The following ACCSL variants were observed in gnomAD, a reference collection of about 807,000 sequenced individuals.
The protein encoded by ACCSL is 1-aminocyclopropane-1-carboxylate synthase homolog (inactive) like, also known as probable inactive 1-aminocyclopropane-1-carboxylate synthase-like protein 2.
Under a neutral mutation model 61.7 loss-of-function variants are expected in ACCSL, and 55 were observed. The observed-to-expected ratio is 0.89, with a 90% CI of 0.72 to 1.12. ACCSL has a LOEUF of 1.12. Ranked by LOEUF, ACCSL falls within the 50% of genes most tolerant of loss-of-function variation. The pLI, the probability that ACCSL is intolerant of heterozygous loss-of-function variation, is 0.00. For synonymous variants in ACCSL, 258 were observed against 264.3 expected (o/e 0.98, Z 0.23); for missense variants, 632 against 698.0 (o/e 0.91, Z 1.07).
chr11:43,973,794 C>T, the ACCSL span: 2 of 152,136 alleles, frequency 1.3e-5, no homozygotes, highest in Admixed American at 6.5e-5. Context: ...CATGTTTATC[C>T]TGAAATAGGC....
At chr11:44,023,271 T>C in the ACCSL span, among the ~76,000 whole-genome samples, 4 of 152,116 alleles carry the variant, frequency 2.6e-5, no homozygotes, top group Admixed American at 2.0e-4. Context: ...TAGGCTTGTC[T>C]TGAACTCCCG....
At chr11:43,929,937 G>A in the ACCSL span, among the ~76,000 whole-genome samples, 17 of 152,200 alleles carry the variant, frequency 1.1e-4, no homozygotes, top group Non-Finnish European at 2.1e-4. Context: ...GGAGGACCCA[G>A]CCTGACCAAG....
the ACCSL span, chr11:43,974,219 G>A: frequency 6.6e-6 from 1 of 152,218 alleles, no homozygotes; most frequent in African/African-American, 2.4e-5. Flanking sequence ...CTATATTCAT[G>A]GACTATGACT....
chr11:44,050,815 AG>A (rs1348121413), intron 3 of ACCSL, among the ~76,000 whole-genome samples, 193 bp downstream of exon 3: 1 of 150,962 alleles, frequency 6.6e-6, no homozygotes, highest in Non-Finnish European at 1.5e-5. Context: ...CTGGTATAGT[AG>A]GAATAATTCA....
At chr11:43,943,021 C>T in the ACCSL span, 4,723 of 1,510,450 alleles carry the variant, frequency 3.1e-3, 7 homozygotes, top group Non-Finnish European at 3.9e-3. The surrounding 1 kb of genome is among the most constrained non-coding windows in gnomAD (Gnocchi z 4.8). Flanking sequence ...CCAAGCTGCC[C>T]AAGGGCCGGG....
chr11:43,954,943 C>T, the ACCSL span, among the ~76,000 whole-genome samples: 5 of 152,254 alleles, frequency 3.3e-5, no homozygotes, highest in South Asian at 4.1e-4. Flanking sequence ...CTCCAGCTGC[C>T]GGCATTCACC....
the ACCSL span, chr11:43,942,235 C>G: frequency 6.4e-6 from 1 of 155,046 alleles, no homozygotes; most frequent in Non-Finnish European, 1.5e-5. Flanking sequence ...GTGGAATAAC[C>G]AGCGCCTCAA....
At chr11:43,925,696 C>T in the ACCSL span, among the ~76,000 whole-genome samples, 2 of 152,176 alleles carry the variant, frequency 1.3e-5, no homozygotes, top group African/African-American at 4.8e-5. Flanking sequence ...TGTCTGAGCC[C>T]TGTGGGGAGA....
rs147903650 is a variant in ACCSL, at chr11:44,055,386, C to T, written c.1139+95C>T. The stretch of plus-strand genomic sequence containing the variant: ...GACATGAACTTAACTCAGTTCCTAG[C>T]ACATAGCCAGTTAACTGCCCACAGG... On this transcript the variant is annotated intron_variant, in intron 9 of 13. Transcript: ENST00000378832. 7.8e-6 allele frequency: 7 copies of T among 893,752 alleles called. No individual in the cohort carries two copies. The East Asian group carries it at 1.5e-4, about 20-fold the overall frequency. 55.4% of individuals were successfully genotyped at this position (893,752 alleles called of 1,614,324 possible).
the ACCSL span, chr11:43,943,546 T>G: frequency 7.6e-7 from 1 of 1,320,382 alleles, no homozygotes; most frequent in Non-Finnish European, 1.0e-6. This position sits in a 1 kb window ranked among gnomAD's most constrained non-coding sequence, Gnocchi z 4.8. Context: ...CTGCTGTGAG[T>G]GTGTGCGGGG....
chr11:44,054,910 T>C (rs895113407), intron 8 of ACCSL, among the ~76,000 whole-genome samples: 4 of 152,106 alleles, frequency 2.6e-5, no homozygotes, highest in Non-Finnish European at 5.9e-5. Flanking sequence ...GATGGTTGAA[T>C]GGTTAGCTAA....
the ACCSL span, among the ~76,000 whole-genome samples, chr11:44,002,907 G>A: frequency 1.3e-5 from 2 of 152,224 alleles, no homozygotes; most frequent in South Asian, 2.1e-4. Flanking sequence ...CAGGGCTGGA[G>A]GGGTCTGGAT....
At chr11:44,000,754 T>C in the ACCSL span, among the ~76,000 whole-genome samples, 1 of 83,770 alleles carries the variant, frequency 1.2e-5, no homozygotes, top group Non-Finnish European at 2.9e-5. Context: ...AGAAAGAAAA[T>C]TGTAAAATAA....
At chr11:44,054,582 G>C (rs574471268) in intron 8 of ACCSL, among the ~76,000 whole-genome samples, 68 of 151,936 alleles carry the variant, frequency 4.5e-4, no homozygotes, top group African/African-American at 1.6e-3. Flanking sequence ...TCAGCCTCCT[G>C]AGTAGCTACA....
At chr11:43,943,784 T>C in the ACCSL span, 7 of 1,304,032 alleles carry the variant, frequency 5.4e-6, no homozygotes, top group South Asian at 7.4e-5. This position sits in a 1 kb window ranked among gnomAD's most constrained non-coding sequence, Gnocchi z 4.8. Context: ...ATTTTTGCAT[T>C]GCGATGGCTG....
In ACCSL at chr11:44,050,137, G is replaced by T. The variant is rs769647210; in HGVS notation, c.564+16G>T. 14 of 1,609,396 alleles carry T rather than the reference G, an allele frequency of 8.7e-6. No homozygotes were observed. The highest frequency in any genetic ancestry group is 9.4e-6 in the Non-Finnish European group (11 of 1,175,854). The stretch of plus-strand genomic sequence containing the variant: ...GACTGAAAGAGTAAGGATGTTCTGG[G>T]CTGTGTTGGGACCCACCCCTTCAAG... On this transcript the variant is annotated intron_variant, in intron 2 of 13. Coordinates refer to ENST00000378832, the MANE Select transcript of ACCSL (RefSeq NM_001031854.2).
chr11:43,975,298 A>C, the ACCSL span, among the ~76,000 whole-genome samples: 7,324 of 152,302 alleles, frequency 0.048, 296 homozygotes, highest in Non-Finnish European at 0.068. Context: ...GCCTCTCCGG[A>C]TGCAAACAAT....
the ACCSL span, among the ~76,000 whole-genome samples, chr11:44,011,670 C>A: frequency 1.1e-3 from 168 of 152,194 alleles, no homozygotes; most frequent in African/African-American, 3.9e-3. Flanking sequence ...TCCTCCCCAA[C>A]CAAAAAAATG....
chr11:43,992,004 C>CT, the ACCSL span, among the ~76,000 whole-genome samples: 28 of 150,954 alleles, frequency 1.9e-4, no homozygotes, highest in African/African-American at 5.6e-4. Context: ...CCCTCCCCAT[C>CT]TTTTTTTTTC....
Sources: gnomAD v4.1 joint callset for allele counts (sites outside exome capture counted in the v4.1 genomes callset) on GRCh38, gnomAD v4.1.1 for gene constraint, Gnocchi (gnomAD v3.1) non-coding constraint, MANE v1.5 for transcripts, NCBI Gene and HGNC (gene_info 2026-07-23, HGNC 2026-07-21) for gene names.